The following MBD5 variants were observed in gnomAD, a reference collection of about 807,000 sequenced individuals.
MBD5 encodes the protein methyl-CpG binding domain protein 5.
In MBD5, 13 loss-of-function variants were observed where a neutral mutation model predicts 117.3. The ratio of observed to expected loss-of-function variants is 0.11; its 90% CI spans 0.07 to 0.18. The LOEUF is 0.18. Ranked by LOEUF, MBD5 falls within the 10% of genes least tolerant of loss-of-function variation. The pLI, the probability that MBD5 is intolerant of heterozygous loss-of-function variation, is 1.00. For synonymous variants in MBD5, 727 were observed against 766.4 expected, an observed-to-expected ratio of 0.95 and a Z score of 0.85; for missense variants, 1,879 against 2,093.8, an observed-to-expected ratio of 0.90 and a Z score of 2.00.
intron 3 of MBD5, among the ~76,000 whole-genome samples, chr2:148,248,974 C>CCCCT (rs2106234240): frequency 6.6e-6 from 1 of 151,858 alleles, no homozygotes; most frequent in South Asian, 2.1e-4. Flanking sequence ...GAAATTTGAC[C>CCCCT]CCCTACTTTA....
intron 3 of MBD5, among the ~76,000 whole-genome samples, chr2:148,262,650 T>G (rs1700759399): frequency 6.6e-6 from 1 of 152,048 alleles, no homozygotes; most frequent in Non-Finnish European, 1.5e-5. Flanking sequence ...TATACCAAGG[T>G]CGTATATGAA....
At chr2:148,348,526 T>G (rs1703177509) in intron 4 of MBD5, among the ~76,000 whole-genome samples, 1 of 152,044 alleles carries the variant, frequency 6.6e-6, no homozygotes, top group African/African-American at 2.4e-5. Flanking sequence ...ACCGAATAAA[T>G]TGCTGCTACA....
Position 148,226,366 on chromosome 2 carries a change from G to A in MBD5, c.-830-6879G>A, listed in dbSNP as rs550284008. Among the ~76,000 whole-genome samples the A allele has an allele frequency of 2.6e-5, 4 of 151,934 alleles. No individual in the cohort carries two copies. In the East Asian group the frequency reaches 7.8e-4, roughly 29 times the overall value. On this transcript the variant is annotated intron_variant, in intron 2 of 13. Transcript: ENST00000642680. ...CTATGAGTGAGAACATGTGGTGTTTGGTTTTTTGTCCTTGTGATAGTTTGC... is the reference window on the plus strand; with the variant it reads ...CTATGAGTGAGAACATGTGGTGTTTAGTTTTTTGTCCTTGTGATAGTTTGC...
chr2:148,070,227 T>C (rs1185740339), intron 1 of MBD5, among the ~76,000 whole-genome samples: 1 of 152,208 alleles, frequency 6.6e-6, no homozygotes, highest in East Asian at 1.9e-4. Flanking sequence ...CCTGGCTTAC[T>C]TCACTTAACA....
At chr2:148,300,649 T>C (rs1701759800) in intron 3 of MBD5, among the ~76,000 whole-genome samples, 1 of 152,216 alleles carries the variant, frequency 6.6e-6, no homozygotes, top group African/African-American at 2.4e-5. Context: ...CCCTACACTC[T>C]GAATCAGAGA....
intron 3 of MBD5, among the ~76,000 whole-genome samples, chr2:148,274,277 C>T (rs1055274026): frequency 4.1e-4 from 63 of 152,162 alleles, no homozygotes; most frequent in African/African-American, 1.3e-3. Flanking sequence ...ACATGCAGAA[C>T]GTGCAGTTTT....
intron 3 of MBD5, among the ~76,000 whole-genome samples, chr2:148,322,174 A>C (rs1434672512): frequency 6.6e-6 from 1 of 152,226 alleles, no homozygotes; most frequent in South Asian, 2.1e-4. Context: ...GTATTCATAA[A>C]GGTATACAAC....
chr2:148,165,317 G>T (rs960724799), intron 1 of MBD5, among the ~76,000 whole-genome samples: 1 of 151,988 alleles, frequency 6.6e-6, no homozygotes, highest in Non-Finnish European at 1.5e-5. Flanking sequence ...AATTAAATAT[G>T]TTAACTCTAA....
chr2:148,036,607 C>T (rs991590365), intron 1 of MBD5, among the ~76,000 whole-genome samples: 3 of 151,996 alleles, frequency 2.0e-5, no homozygotes, highest in Non-Finnish European at 4.4e-5. Flanking sequence ...GCTTTTTCTC[C>T]ATCTTTGATG....
At chr2:148,205,668 A>G (rs1384626572) in intron 2 of MBD5, among the ~76,000 whole-genome samples, 1 of 152,236 alleles carries the variant, frequency 6.6e-6, no homozygotes, top group African/African-American at 2.4e-5. Context: ...GAACAAAGAT[A>G]CAGAGAAATT....
intron 3 of MBD5, among the ~76,000 whole-genome samples, chr2:148,331,216 A>G (rs1702636612): frequency 6.6e-6 from 1 of 152,184 alleles, no homozygotes; most frequent in Non-Finnish European, 1.5e-5. Context: ...TAGTTTCCAC[A>G]GATTATTAAA....
At chr2:148,130,578 G>A (rs1430769181) in intron 1 of MBD5, among the ~76,000 whole-genome samples, 1 of 150,892 alleles carries the variant, frequency 6.6e-6, no homozygotes, top group East Asian at 1.9e-4. Context: ...AATGCACTCT[G>A]GGGATCAGAG....
chr2:148,242,211 T>G (rs978859215), intron 3 of MBD5, among the ~76,000 whole-genome samples: 19 of 152,138 alleles, frequency 1.2e-4, no homozygotes, highest in African/African-American at 4.3e-4. Context: ...TAAATACTAC[T>G]TCCCTTTATT....
At chr2:148,027,545 A>G (rs1001817896) in intron 1 of MBD5, 2 of 152,134 alleles carry the variant, frequency 1.3e-5, no homozygotes, top group African/African-American at 4.8e-5. Flanking sequence ...ATGCTTAAAA[A>G]TCTGAAACTT....
chr2:148,092,845 C>G (rs1223480843), intron 1 of MBD5, among the ~76,000 whole-genome samples: 1 of 150,342 alleles, frequency 6.7e-6, no homozygotes, highest in Non-Finnish European at 1.5e-5. Flanking sequence ...CAAAACAAAA[C>G]AAAAACTGAG....
intron 1 of MBD5, among the ~76,000 whole-genome samples, chr2:148,053,015 A>G (rs905996597): frequency 1.3e-5 from 2 of 149,856 alleles, no homozygotes; most frequent in African/African-American, 4.9e-5. Context: ...CTTGGGGTGG[A>G]GTCTCCTATA....
chr2:148,188,765 G>A lies in MBD5; in HGVS notation c.-831+9972G>A, dbSNP rs535394298. On this transcript the variant is annotated intron_variant, in intron 2 of 13. Coordinates refer to ENST00000642680, the MANE Select transcript of MBD5 (RefSeq NM_001378120.1). Reference sequence around the variant, plus strand: ...AGAACAGGGAGGAGCCAAGATGGCCGAATAGGAACAGCTCCGGTCTACAGC... The same window carrying A: ...AGAACAGGGAGGAGCCAAGATGGCCAAATAGGAACAGCTCCGGTCTACAGC... Among the ~76,000 whole-genome samples, 58 of 151,596 alleles carry A rather than the reference G, an allele frequency of 3.8e-4. 1 individual carries two copies. In the South Asian group the frequency reaches 6.9e-3, roughly 18 times the overall value.
chr2:148,477,584 T>C (rs993754075), intron 8 of MBD5, among the ~76,000 whole-genome samples: 3 of 152,196 alleles, frequency 2.0e-5, no homozygotes, highest in Non-Finnish European at 2.9e-5. Context: ...AAAGTTATCT[T>C]TCAATTTATT....
At chr2:148,260,883 G>A (rs1015436047) in intron 3 of MBD5, among the ~76,000 whole-genome samples, 2 of 152,156 alleles carry the variant, frequency 1.3e-5, no homozygotes, top group South Asian at 2.1e-4. Context: ...GACTTGATCC[G>A]TGGGCTACAG....
Sources: allele counts gnomAD v4.1 joint callset (sites outside exome capture counted in the v4.1 genomes callset), GRCh38; gene constraint gnomAD v4.1.1; transcripts MANE v1.5; gene names NCBI Gene and HGNC (gene_info 2026-07-23, HGNC 2026-07-21).